Variants in CIROZ observed in about 807,000 individuals in gnomAD.
CIROZ encodes ciliated left-right organizer ZP-N domains-containing protein.
At chr1:10,950,966 G>C in the CIROZ span, among the ~76,000 whole-genome samples, 1 of 152,138 alleles carries the variant, frequency 6.6e-6, no homozygotes, top group Non-Finnish European at 1.5e-5. Flanking sequence ...AGAGGGACCT[G>C]GTGGCTGCGG....
chr1:10,980,454 CG>C, the CIROZ span, among the ~76,000 whole-genome samples: 1 of 152,212 alleles, frequency 6.6e-6, no homozygotes, highest in Non-Finnish European at 1.5e-5. Context: ...CTCCCAGCAG[CG>C]GGGAGGCGCT....
chr1:10,947,339 C>T, the CIROZ span, among the ~76,000 whole-genome samples: 3 of 152,364 alleles, frequency 2.0e-5, no homozygotes, highest in African/African-American at 7.2e-5. Flanking sequence ...GCCCTGCACT[C>T]AGCGCCTCTT....
the CIROZ span, among the ~76,000 whole-genome samples, chr1:10,962,771 A>G: frequency 2.6e-5 from 4 of 152,202 alleles, no homozygotes; most frequent in Non-Finnish European, 5.9e-5. Context: ...AGGTGAGATG[A>G]GTTAATATTT....
At chr1:10,964,662 A>C in the CIROZ span, among the ~76,000 whole-genome samples, 1 of 152,188 alleles carries the variant, frequency 6.6e-6, no homozygotes, top group Non-Finnish European at 1.5e-5. Flanking sequence ...ACACAGTCTC[A>C]TTCAGTCACC....
At chr1:10,970,190 T>G in the CIROZ span, 369 of 1,032,452 alleles carry the variant, frequency 3.6e-4, no homozygotes, top group Non-Finnish European at 4.6e-4. Context: ...AAGAAGGAGC[T>G]CCTCTCAGCC....
the CIROZ span, chr1:10,957,787 G>A: frequency 1.9e-6 from 3 of 1,597,510 alleles, no homozygotes; most frequent in Non-Finnish European, 1.7e-6. Context: ...AAACCATGTG[G>A]CCAGGGAGGC....
the CIROZ span, among the ~76,000 whole-genome samples, chr1:10,960,233 CA>C: frequency 6.6e-6 from 1 of 151,906 alleles, no homozygotes; most frequent in South Asian, 2.1e-4. This position sits in a 1 kb window ranked among gnomAD's most constrained non-coding sequence, Gnocchi z 4.6. Flanking sequence ...ACCGAAAATA[CA>C]AAAAATAAAA....
At chr1:10,949,081 A>G in the CIROZ span, 6,693 of 369,688 alleles carry the variant, frequency 0.018, 339 homozygotes, top group African/African-American at 0.11. Flanking sequence ...AAAATTAGCC[A>G]GGTGTGGTGG....
the CIROZ span, among the ~76,000 whole-genome samples, chr1:10,974,218 C>G: frequency 2.0e-5 from 3 of 152,086 alleles, no homozygotes; most frequent in African/African-American, 4.8e-5. This position sits in a 1 kb window ranked among gnomAD's most constrained non-coding sequence, Gnocchi z 4.4. Context: ...CTCTTTCTGG[C>G]TGGCCCATAG....
chr1:10,976,115 T>C, the CIROZ span: 2 of 1,509,168 alleles, frequency 1.3e-6, no homozygotes, highest in South Asian at 2.4e-5. Context: ...TGGGGAAATA[T>C]CCAAAGCCTG....
the CIROZ span, chr1:10,957,623 C>T: frequency 6.2e-7 from 1 of 1,614,128 alleles, no homozygotes; most frequent in Non-Finnish European, 8.5e-7. Flanking sequence ...GACCTCCCAC[C>T]TCTGAAGAAG....
At chr1:10,951,743 A>ATATATAT in the CIROZ span, among the ~76,000 whole-genome samples, 4 of 124,460 alleles carry the variant, frequency 3.2e-5, no homozygotes, top group African/African-American at 1.4e-4. Context: ...AAAAAAAAAA[A>ATATATAT]AAATATATAT....
At chr1:10,948,948 G>T in the CIROZ span, 1 of 1,165,910 alleles carries the variant, frequency 8.6e-7, no homozygotes, top group Non-Finnish European at 1.1e-6. Flanking sequence ...CGAGGGACCG[G>T]GTGCGGTGGC....
the CIROZ span, chr1:10,947,748 G>A: frequency 6.3e-7 from 1 of 1,588,210 alleles, no homozygotes; most frequent in African/African-American, 1.3e-5. Flanking sequence ...GGCCAAGGTG[G>A]GCTCTGTCAG....
the CIROZ span, chr1:10,966,323 TTA>T: frequency 1.3e-6 from 2 of 1,485,264 alleles, no homozygotes; most frequent in Non-Finnish European, 8.9e-7. Context: ...AAATCTCCCT[TTA>T]AAAAAAAAAA....
chr1:10,972,465 A>ACT, the CIROZ span, among the ~76,000 whole-genome samples: 43 of 148,712 alleles, frequency 2.9e-4, no homozygotes, highest in Non-Finnish European at 4.0e-4. Context: ...ACACACACAC[A>ACT]CTCTAGAATT....
the CIROZ span, among the ~76,000 whole-genome samples, chr1:10,968,498 C>T: frequency 3.9e-5 from 6 of 152,196 alleles, no homozygotes; most frequent in South Asian, 1.2e-3. Context: ...AAGGCCGTGC[C>T]TCTGGCGGAG....
At chr1:10,954,768 T>A in the CIROZ span, among the ~76,000 whole-genome samples, 1 of 152,132 alleles carries the variant, frequency 6.6e-6, no homozygotes, top group Non-Finnish European at 1.5e-5. Flanking sequence ...ATTTTGTAAT[T>A]TTTTTGTAGC....
At chr1:10,951,745 A>AAAAAAAAAT in the CIROZ span, among the ~76,000 whole-genome samples, 13 of 119,178 alleles carry the variant, frequency 1.1e-4, no homozygotes, top group African/African-American at 3.6e-4. Context: ...AAAAAAAAAA[A>AAAAAAAAAT]ATATATATAT....
Sources: allele counts gnomAD v4.1 joint callset (sites outside exome capture counted in the v4.1 genomes callset), GRCh38; gene constraint gnomAD v4.1.1; non-coding constraint Gnocchi (gnomAD v3.1); transcripts MANE v1.5; gene names NCBI Gene and HGNC (gene_info 2026-07-23, HGNC 2026-07-21).